DYSF: variants seen among roughly 807,000 people sequenced by gnomAD.
DYSF encodes dystrophy-associated fer-1-like 1.
A neutral mutation model predicts 274.9 loss-of-function variants in DYSF; 212 were observed. The observed-to-expected ratio is 0.77, with a 90% CI of 0.69 to 0.86. The LOEUF (loss-of-function observed/expected upper bound fraction) is 0.86, where lower values mean the gene tolerates loss of function less well. Ranked by LOEUF, DYSF falls within the 40% of genes least tolerant of loss-of-function variation. The pLI is 0.00. For missense variants in DYSF, 2,666 were observed against 2,783.2 expected (o/e 0.96, Z 0.95); for synonymous variants, 1,091 against 1,078.7 (o/e 1.01, Z -0.22).
intron 39 of DYSF, 52 bp from the exon 40 acceptor site, chr2:71,613,282 C>T (rs1157610338): frequency 6.4e-6 from 10 of 1,551,238 alleles, no homozygotes; most frequent in Middle Eastern, 1.7e-4. Context: ...TGGTGAGGGG[C>T]GAGCCTTTTG....
rs373328706 is a variant in DYSF, at chr2:71,568,294, C to T, written c.2820C>T (p.Ala940=). 9.6e-5 allele frequency: 155 copies of T among 1,614,078 alleles called. No individual in the cohort carries two copies. Among genetic ancestry groups the T allele is most frequent in the Middle Eastern group, 1.6e-4 (1 of 6,084 alleles). The change falls in exon 26 of 56, where the codon GCC becomes GCT. Residue 940 remains alanine (A), a synonymous_variant. Transcript: ENST00000410020. Reference sequence around the variant, plus strand: ...CCAAGGACAGCTTCCGCCCCTCGGCCGGCTGGACCTGGGCTGGAGATTGGT... The same window carrying T: ...CCAAGGACAGCTTCCGCCCCTCGGCTGGCTGGACCTGGGCTGGAGATTGGT... ...KLPKDSFRPS[A]GWTWAGDWFV...
At chr2:71,477,737 CA>C (rs2082507362) in intron 1 of DYSF, among the ~76,000 whole-genome samples, 1 of 152,202 alleles carries the variant, frequency 6.6e-6, no homozygotes. Flanking sequence ...TAGCAGAGTA[CA>C]AAATGTTCAT....
intron 17 of DYSF, among the ~76,000 whole-genome samples, chr2:71,550,647 G>A (rs2090875887): frequency 6.6e-6 from 1 of 152,168 alleles, no homozygotes; most frequent in Non-Finnish European, 1.5e-5. Context: ...TGCTGGGGGT[G>A]GGGCTGGGGA....
At chr2:71,478,025 C>G (rs13388665) in intron 1 of DYSF, among the ~76,000 whole-genome samples, 1 of 143,372 alleles carries the variant, frequency 7.0e-6, no homozygotes, top group African/African-American at 2.6e-5. Context: ...GTCACTTTTC[C>G]TTTTTTGGGA....
intron 51 of DYSF, among the ~76,000 whole-genome samples, chr2:71,672,589 G>T (rs1022551836): frequency 6.6e-6 from 1 of 152,136 alleles, no homozygotes; most frequent in South Asian, 2.1e-4. Flanking sequence ...TAGTAAAAGC[G>T]CCCAGGCCAG....
At chr2:71,462,042 C>A (rs939697896), upstream of DYSF, among the ~76,000 whole-genome samples, 1 of 152,148 alleles carries the variant, frequency 6.6e-6, no homozygotes, top group Non-Finnish European at 1.5e-5. Context: ...CAGCTGGAAA[C>A]CTCTGTGGCT....
At chr2:71,559,712 C>T (rs1197347985) in intron 22 of DYSF, among the ~76,000 whole-genome samples, 1 of 152,242 alleles carries the variant, frequency 6.6e-6, no homozygotes, top group East Asian at 1.9e-4. Flanking sequence ...CGCCTGCTGG[C>T]CCTGCCAGGT....
chr2:71,487,281 G>A (rs966045845), intron 3 of DYSF, among the ~76,000 whole-genome samples: 1 of 152,184 alleles, frequency 6.6e-6, no homozygotes, highest in Non-Finnish European at 1.5e-5. Flanking sequence ...TACTGTGTTG[G>A]ACAGAGCAGC....
intron 3 of DYSF, among the ~76,000 whole-genome samples, chr2:71,490,319 A>G (rs1185543921): frequency 6.6e-6 from 1 of 152,146 alleles, no homozygotes; most frequent in Non-Finnish European, 1.5e-5. Context: ...AGAGGTGCCC[A>G]TTGTTAACGA....
intron 32 of DYSF, among the ~76,000 whole-genome samples, chr2:71,597,703 C>T (rs947674241): frequency 3.3e-5 from 5 of 152,152 alleles, no homozygotes; most frequent in Admixed American, 2.0e-4. Flanking sequence ...CCCAGGGTGG[C>T]GTGGCCAAGG....
In DYSF at chr2:71,481,871, TC is replaced by T. The variant is rs2082939938; in HGVS notation, c.148-7del. 3 of 1,613,622 alleles carry T rather than the reference TC, an allele frequency of 1.9e-6. No individual in the cohort carries two copies. In the East Asian group the frequency reaches 6.7e-5, roughly 36 times the overall value. ...TAGGTTAAGATGCCTTTTCTCTTTT[TC>T]TTCCAGGGATTTGAATGGGACCTCA... On this transcript the variant is annotated splice_region_variant and splice_polypyrimidine_tract_variant and intron_variant, in intron 2 of 55. Coordinates refer to ENST00000410020, the MANE Select transcript of DYSF (RefSeq NM_001130987.2).
intron 33 of DYSF, among the ~76,000 whole-genome samples, chr2:71,600,473 C>T (rs1340071484): frequency 6.6e-6 from 1 of 152,160 alleles, no homozygotes. Flanking sequence ...AGGGACTTCC[C>T]GACCATGATG....
chr2:71,662,451 T>A (rs915621639), intron 45 of DYSF, among the ~76,000 whole-genome samples: 6 of 151,440 alleles, frequency 4.0e-5, no homozygotes, highest in Non-Finnish European at 5.9e-5. Context: ...TGTGTATGTG[T>A]GTATATGTGC....
chr2:71,658,251 C>G (rs1183718218), intron 43 of DYSF, among the ~76,000 whole-genome samples: 1 of 152,190 alleles, frequency 6.6e-6, no homozygotes, highest in Non-Finnish European at 1.5e-5. Context: ...ACAAGTTCCC[C>G]ATCTCTATCT....
intron 1 of DYSF, among the ~76,000 whole-genome samples, chr2:71,461,452 A>G (rs1164961499): frequency 6.6e-6 from 1 of 152,188 alleles, no homozygotes; most frequent in African/African-American, 2.4e-5. Flanking sequence ...TATTCTAGAA[A>G]CTGACGAGGC....
chr2:71,669,898 C>A, intron 51 of DYSF, 152 bp downstream of exon 51: 1 of 986,204 alleles, frequency 1.0e-6, no homozygotes, highest in Non-Finnish European at 1.6e-6. Context: ...TGGCCACCAC[C>A]TCCACTGTCC....
chr2:71,654,859 G>A (rs1053742301), intron 42 of DYSF, among the ~76,000 whole-genome samples: 1 of 152,128 alleles, frequency 6.6e-6, no homozygotes, highest in Non-Finnish European at 1.5e-5. Flanking sequence ...TGGGAGGATT[G>A]CTTGAGTCCA....
At chr2:71,558,723 G>A (rs1050957587) in intron 22 of DYSF, among the ~76,000 whole-genome samples, 1 of 152,162 alleles carries the variant, frequency 6.6e-6, no homozygotes, top group African/African-American at 2.4e-5. Context: ...GGGGTTGGAA[G>A]AGTGGCTGGG....
At position 71,556,015 on chromosome 2, in the gene DYSF, G is replaced by A. The variant is rs762651388; in HGVS notation, c.2160G>A (p.Thr720=). ...VHLALKAQCS[T]EDVDSLVAQL... ...TGGCCCTGAAGGCGCAGTGCTCCACGGAGGACGTGGACTCGCTGGTGGCTC... is the reference window on the plus strand; with the variant it reads ...TGGCCCTGAAGGCGCAGTGCTCCACAGAGGACGTGGACTCGCTGGTGGCTC... The change falls in exon 22 of 56, where the codon ACG becomes ACA. Residue 720 remains threonine, a synonymous_variant. Transcript: ENST00000410020. 1.1e-5 allele frequency: 18 copies of A among 1,578,310 alleles called. No homozygotes were observed. The highest frequency in any genetic ancestry group is 5.8e-5 in the South Asian group (5 of 85,758).
Sources: gnomAD v4.1 joint callset for allele counts (sites outside exome capture counted in the v4.1 genomes callset) on GRCh38, gnomAD v4.1.1 for gene constraint, MANE v1.5 for transcripts, NCBI Gene and HGNC (gene_info 2026-07-23, HGNC 2026-07-21) for gene names.